The following TMEM232 variants were observed in gnomAD, a reference collection of about 807,000 sequenced individuals.
The protein encoded by TMEM232 is transmembrane protein 232.
In TMEM232, 80 loss-of-function variants were observed where a neutral mutation model predicts 78.8. The observed-to-expected ratio is 1.01, with a 90% CI of 0.85 to 1.22. The LOEUF is 1.22. Ranked by LOEUF, TMEM232 falls within the 50% of genes most tolerant of loss-of-function variation. The pLI is 0.00. For missense variants in TMEM232, 881 were observed against 742.2 expected (o/e 1.19, Z -2.17); for synonymous variants, 297 against 254.3 (o/e 1.17, Z -1.60).
At chr5:110,455,538 C>A (rs1014287544) in intron 12 of TMEM232, among the ~76,000 whole-genome samples, 1 of 151,850 alleles carries the variant, frequency 6.6e-6, no homozygotes, top group Non-Finnish European at 1.5e-5. Context: ...CCACCACGCC[C>A]GGCTAATTTT....
At chr5:110,552,795 TC>T (rs151065217) in intron 11 of TMEM232, among the ~76,000 whole-genome samples, 4,246 of 152,266 alleles carry the variant, frequency 0.028, 158 homozygotes, top group African/African-American at 0.085. Context: ...GAAAACCTAT[TC>T]ATGCATAAAT....
At chr5:110,587,699 G>A (rs1464328380) in intron 10 of TMEM232, among the ~76,000 whole-genome samples, 1,230 of 79,344 alleles carry the variant, frequency 0.016, 12 homozygotes, top group African/African-American at 0.093. Flanking sequence ...ATATGTGTGT[G>A]TGTGTGTGTG....
At chr5:110,665,888 C>T (rs765094284) in intron 2 of TMEM232, among the ~76,000 whole-genome samples, 10 of 132,014 alleles carry the variant, frequency 7.6e-5, no homozygotes, top group Non-Finnish European at 1.6e-4. Context: ...GACCCCATCT[C>T]CACAAAAAAA....
At chr5:110,731,259 G>T (rs774764425), upstream of TMEM232, among the ~76,000 whole-genome samples, 2 of 152,226 alleles carry the variant, frequency 1.3e-5, no homozygotes, top group Non-Finnish European at 2.9e-5. Context: ...TCATGGGCTA[G>T]CATTGAATGT....
At chr5:110,397,789 T>G (rs1234705028) in exon 3 of TMEM232, 1 of 152,628 alleles carries the variant, frequency 6.6e-6, no homozygotes, top group Non-Finnish European at 1.5e-5. Flanking sequence ...AGCATTGATG[T>G]GATATATGTT....
At chr5:110,395,402 AC>A (rs1201383094) in intron 3 of TMEM232, among the ~76,000 whole-genome samples, 48 of 152,260 alleles carry the variant, frequency 3.2e-4, no homozygotes, top group African/African-American at 1.0e-3. Context: ...CTTTCAGCCC[AC>A]AGTTGACCTT....
At chr5:110,515,535 C>T (rs555692234) in intron 12 of TMEM232, among the ~76,000 whole-genome samples, 1 of 152,298 alleles carries the variant, frequency 6.6e-6, no homozygotes, top group East Asian at 1.9e-4. Flanking sequence ...CAGGCACTAT[C>T]CCTTTGAAAT....
intron 11 of TMEM232, among the ~76,000 whole-genome samples, chr5:110,562,383 T>A (rs1367151525): frequency 1.3e-5 from 2 of 152,142 alleles, no homozygotes; most frequent in African/African-American, 4.8e-5. Flanking sequence ...CATGACATTT[T>A]CTTATCTGCA....
In TMEM232 at chr5:110,640,909, T is replaced by G; in HGVS notation, c.325A>C (p.Lys109Gln). Reference protein sequence around the residue: ...WTEVIYLAQCKGEIQDESLNM... With the variant: ...WTEVIYLAQCQGEIQDESLNM... ...TACGTACCATCTTGGATTTCCCCTTTGCATTGAGCCAGATATATTACTTCA... is the reference window on the plus strand; with the variant it reads ...TACGTACCATCTTGGATTTCCCCTTGGCATTGAGCCAGATATATTACTTCA... Residue 109 changes from lysine to glutamine, a missense_variant, in exon 4 of 14, where the codon AAA (lysine) becomes CAA (glutamine). By Grantham distance (53) the Lys-to-Gln change is moderately conservative (BLOSUM62 1). Coordinates refer to ENST00000455884, the MANE Select transcript of TMEM232 (RefSeq NM_001039763.4). The G allele has an allele frequency of 6.5e-7, 1 of 1,534,664 alleles. No individual in the cohort carries two copies. The highest frequency in any genetic ancestry group is 8.8e-7 in the Non-Finnish European group (1 of 1,138,078).
At chr5:110,727,086 G>A (rs1040567165), upstream of TMEM232, among the ~76,000 whole-genome samples, 1 of 152,122 alleles carries the variant, frequency 6.6e-6, no homozygotes, top group Non-Finnish European at 1.5e-5. Context: ...ACCCGTCAGT[G>A]AGTAAACAAA....
chr5:110,518,904 A>G (rs889104122), intron 12 of TMEM232, among the ~76,000 whole-genome samples: 2 of 152,192 alleles, frequency 1.3e-5, no homozygotes, highest in African/African-American at 2.4e-5. Flanking sequence ...TAAGCACAAA[A>G]ATATATGAGT....
intron 1 of TMEM232, among the ~76,000 whole-genome samples, chr5:110,692,729 GC>G (rs919906740): frequency 5.9e-5 from 9 of 152,196 alleles, no homozygotes; most frequent in Non-Finnish European, 1.3e-4. Context: ...AGATCAAACT[GC>G]AAGGCAGCAG....
intron 12 of TMEM232, among the ~76,000 whole-genome samples, chr5:110,425,220 T>C (rs903118947): frequency 5.9e-5 from 9 of 152,066 alleles, no homozygotes; most frequent in African/African-American, 1.9e-4. Context: ...TGTTCTAAGA[T>C]ATGCTGAAAA....
chr5:110,477,854 G>C (rs1292790445), intron 12 of TMEM232, among the ~76,000 whole-genome samples: 2 of 151,754 alleles, frequency 1.3e-5, no homozygotes, highest in African/African-American at 4.8e-5. Context: ...CTTCTACTCT[G>C]AAAATGTAAG....
chr5:110,448,043 T>C (rs1175889902), intron 12 of TMEM232, among the ~76,000 whole-genome samples: 3 of 152,004 alleles, frequency 2.0e-5, no homozygotes, highest in Non-Finnish European at 4.4e-5. Flanking sequence ...TGACTTACTA[T>C]ACCAGTTCAA....
intron 12 of TMEM232, among the ~76,000 whole-genome samples, chr5:110,494,142 C>A (rs1765406971): frequency 6.6e-6 from 1 of 152,062 alleles, no homozygotes; most frequent in Non-Finnish European, 1.5e-5. Context: ...ATACGTGCTA[C>A]ATTTTCTTTA....
intron 12 of TMEM232, among the ~76,000 whole-genome samples, chr5:110,471,221 G>C (rs774360971): frequency 1.2e-4 from 18 of 152,030 alleles, no homozygotes; most frequent in Non-Finnish European, 2.5e-4. Context: ...AAAAACATAA[G>C]AATGAAAAAC....
At chr5:110,505,966 A>C (rs1318990193) in intron 12 of TMEM232, among the ~76,000 whole-genome samples, 1 of 152,218 alleles carries the variant, frequency 6.6e-6, no homozygotes, top group African/African-American at 2.4e-5. Flanking sequence ...TCAGTTCAAC[A>C]GTGCTGTCCA....
intron 12 of TMEM232, among the ~76,000 whole-genome samples, chr5:110,495,969 GCA>G (rs1765595749): frequency 6.6e-6 from 1 of 150,880 alleles, no homozygotes; most frequent in African/African-American, 2.5e-5. Context: ...AGCATTTCAT[GCA>G]CAGAGGCATT....
Sources: allele counts gnomAD v4.1 joint callset (sites outside exome capture counted in the v4.1 genomes callset), GRCh38; gene constraint gnomAD v4.1.1; transcripts MANE v1.5; gene names NCBI Gene and HGNC (gene_info 2026-07-23, HGNC 2026-07-21).